The following SMTN variants were observed in gnomAD, a reference collection of about 807,000 sequenced individuals.
SMTN encodes the protein smoothelin.
A neutral mutation model predicts 102.0 loss-of-function variants in SMTN; 58 were observed. That is an observed-to-expected ratio of 0.57 (90% CI 0.46 to 0.71). The LOEUF is 0.71. Among genes scored for constraint, SMTN ranks in the 30% least tolerant of loss-of-function variants. The pLI is 0.00. For synonymous variants in SMTN, 478 were observed against 497.9 expected (o/e 0.96, Z 0.53); for missense variants, 1,185 against 1,241.7 (o/e 0.95, Z 0.69).
In SMTN at chr22:31,095,880, T is replaced by C. The variant is rs2043548209; in HGVS notation, c.1861+271T>C. ...CAGATACTCCCTCCCGCAGCTACTC[T>C]CTCCTTGGATCCAGTTGCCTCTCAA... On this transcript the variant is annotated intron_variant, in intron 13 of 20. Coordinates refer to ENST00000333137, the MANE Select transcript of SMTN (RefSeq NM_134269.3). The surrounding 1 kb of genome is among the most constrained non-coding windows in gnomAD (Gnocchi z 4.1). 4 of 523,356 alleles carry C rather than the reference T, an allele frequency of 7.6e-6. No individual in the cohort carries two copies. Among genetic ancestry groups the C allele is most frequent in the Admixed American group, 7.3e-5 (2 of 27,498 alleles). The allele number at this position is 523,356 out of a possible 1,614,324, so 32.4% of individuals were successfully genotyped here.
At position 31,098,658 on chromosome 22, in the gene SMTN, A is replaced by G. The variant is rs1465714795; in HGVS notation, c.2160-9A>G. On this transcript the variant is annotated splice_polypyrimidine_tract_variant and intron_variant, in intron 16 of 20. Coordinates refer to ENST00000333137, the MANE Select transcript of SMTN (RefSeq NM_134269.3). ...CTCCCTGCCTAACATGCGCCTCCCC[A>G]ACCCCTAGCATCTTCGACCGCGAGG... 2 of 1,612,626 alleles carry G rather than the reference A, an allele frequency of 1.2e-6. No individual in the cohort carries two copies. Among genetic ancestry groups the G allele is most frequent in the Non-Finnish European group, 8.5e-7 (1 of 1,179,462 alleles).
At chr22:31,090,658 A>AGGGGAT (rs2043056803) in intron 8 of SMTN, 150 bp from the exon 9 acceptor site, 3 of 702,088 alleles carry the variant, frequency 4.3e-6, no homozygotes, top group Non-Finnish European at 7.7e-6. Flanking sequence ...GAGATCCAGG[A>AGGGGAT]GGGGATGGAG....
At chr22:31,082,535 G>T (rs1487761087) in intron 1 of SMTN, 1 of 492,560 alleles carries the variant, frequency 2.0e-6, no homozygotes, top group Non-Finnish European at 4.1e-6. Context: ...AAATCCAGGG[G>T]TTGGGCAGGT....
chr22:31,092,250 G>T (rs1178802961), intron 11 of SMTN, among the ~76,000 whole-genome samples: 1 of 152,170 alleles, frequency 6.6e-6, no homozygotes, highest in African/African-American at 2.4e-5. Flanking sequence ...CAGCCCCGAG[G>T]TATAGAGCAG....
chr22:31,082,742 C>A, intron 1 of SMTN: 2 of 896,532 alleles, frequency 2.2e-6, no homozygotes, highest in Non-Finnish European at 3.4e-6. Context: ...CAGCCCACAG[C>A]CAGAAGCTGA....
Position 31,088,613 on chromosome 22 carries a change from C to G in SMTN, c.294+7C>G, listed in dbSNP as rs771617518. 4.8e-5 allele frequency: 77 copies of G among 1,613,496 alleles called. No individual in the cohort carries two copies. Among genetic ancestry groups the G allele is most frequent in the Non-Finnish European group, 6.1e-5 (72 of 1,179,610 alleles). On this transcript the variant is annotated splice_region_variant and intron_variant, in intron 4 of 20. Coordinates refer to ENST00000333137, the MANE Select transcript of SMTN (RefSeq NM_134269.3). The stretch of plus-strand genomic sequence containing the variant: ...GGAGGAATTGACTGCACTGGTGAGG[C>G]CCAGGCTGGGGCAGGGGATGGGGGC...
intron 13 of SMTN, chr22:31,096,291 C>T (rs543426227): frequency 1.2e-5 from 2 of 165,402 alleles, no homozygotes; most frequent in African/African-American, 4.8e-5. Flanking sequence ...TCAATTGCTC[C>T]CTTCCTGGAT....
At chr22:31,064,138 A>C (rs1026066618) in exon 1 of SMTN, 1 of 152,260 alleles carries the variant, frequency 6.6e-6, no homozygotes, top group South Asian at 2.1e-4. Context: ...GGCAGCTCCC[A>C]TGAGAACGGC....
At position 31,091,810 on chromosome 22, in the gene SMTN, A is replaced by G; in HGVS notation, c.1595A>G (p.His532Arg). 1.2e-6 allele frequency: 2 copies of G among 1,604,570 alleles called. No homozygotes were observed. The highest frequency in any genetic ancestry group is 1.7e-6 in the Non-Finnish European group (2 of 1,175,114). Residue 532 changes from histidine (H) to arginine (R), a missense_variant, in exon 11 of 21, where the codon CAT becomes CGT. Transcript: ENST00000333137. The part of the protein sequence containing the change: ...GSVTHVTSFS[H>R]APPSSRGGCS... ...GTCACTCATGTCACCAGCTTCAGCC[A>G]TGCCCCCCCCAGTAGCCGAGGAGGC...
intron 11 of SMTN, among the ~76,000 whole-genome samples, chr22:31,094,287 C>G (rs979227210): frequency 1.3e-5 from 2 of 152,210 alleles, no homozygotes; most frequent in Non-Finnish European, 2.9e-5. Flanking sequence ...GCTAGAGACT[C>G]CTTAGAGGAT....
rs768538188 is a variant in SMTN, at chr22:31,104,405, T to C, written c.*110T>C. 13 of 1,614,162 alleles carry C rather than the reference T, an allele frequency of 8.1e-6. No individual in the cohort carries two copies. Among genetic ancestry groups the C allele is most frequent in the South Asian group, 5.5e-5 (5 of 91,088 alleles). On this transcript the variant is annotated 3_prime_UTR_variant, in exon 21 of 21. Transcript: ENST00000333137. ...GACCCCAAGTGTGTCTTCACCTATG[T>C]GCAGTCGCTCTACAACCACCTGCGA...
chr22:31,099,900 A>G lies in SMTN; in HGVS notation c.2603+4A>G. 6.2e-7 allele frequency: 1 copy of G among 1,613,718 alleles called. No individual in the cohort carries two copies. The highest frequency in any genetic ancestry group is 8.5e-7 in the Non-Finnish European group (1 of 1,179,762). Reference sequence around the variant, plus strand: ...AGGTGGCCTTCTCATCTGCGGAGTAAGTGTGGGCCCTGGCCCTGCTAATGT... The same window carrying G: ...AGGTGGCCTTCTCATCTGCGGAGTAGGTGTGGGCCCTGGCCCTGCTAATGT... On this transcript the variant is annotated splice_donor_region_variant and intron_variant, in intron 19 of 20. Coordinates refer to ENST00000333137, the MANE Select transcript of SMTN (RefSeq NM_134269.3).
In SMTN at chr22:31,085,798, T is replaced by C. The variant is rs2042656736; in HGVS notation, c.52-2167T>C. On this transcript the variant is annotated intron_variant, in intron 2 of 20. Transcript: ENST00000333137. The stretch of plus-strand genomic sequence containing the variant: ...CCAGAGGGTGACCAGTGGAATGAGG[T>C]TGTCAGTCTCCAGCCTTGCCCACCC... Among the ~76,000 whole-genome samples the C allele has an allele frequency of 2.0e-5, 3 of 152,092 alleles. No homozygotes were observed. In the South Asian group the frequency reaches 6.2e-4, roughly 31 times the overall value.
intron 1 of SMTN, among the ~76,000 whole-genome samples, chr22:31,073,262 C>T (rs1281438913): frequency 3.3e-5 from 5 of 152,088 alleles, no homozygotes; most frequent in South Asian, 2.1e-4. Flanking sequence ...TACACACGCA[C>T]GCACGCATGC....
chr22:31,087,889 G>A (rs774455137), intron 2 of SMTN, 76 bp from the exon 3 acceptor site: 15 of 1,467,698 alleles, frequency 1.0e-5, no homozygotes, highest in Non-Finnish European at 1.3e-5. Context: ...TTGTGCCCTA[G>A]GCAGAGCCGT....
At chr22:31,089,464 C>T (rs2042953172) in intron 6 of SMTN, among the ~76,000 whole-genome samples, 1 of 152,246 alleles carries the variant, frequency 6.6e-6, no homozygotes, top group Admixed American at 6.5e-5. Context: ...ACATCAGGAC[C>T]TGGTCCTCTC....
intron 19 of SMTN, among the ~76,000 whole-genome samples, chr22:31,100,621 TG>T (rs1452427568): frequency 6.6e-6 from 1 of 152,096 alleles, no homozygotes; most frequent in Non-Finnish European, 1.5e-5. Flanking sequence ...GTGACTGGTT[TG>T]GCCCCCACCC....
At chr22:31,091,640 T>G (rs1322206121) in intron 10 of SMTN, 35 bp from the exon 11 acceptor site, 1 of 1,558,030 alleles carries the variant, frequency 6.4e-7, no homozygotes, top group Non-Finnish European at 8.7e-7. Context: ...TCACTCCACC[T>G]GATCCTCCTG....
rs749272524 is a variant in SMTN, at chr22:31,095,586, G to A, written c.1838G>A (p.Arg613His). Reference protein sequence around the residue: ...EERKLIRAALRELRQRKRDQR... With the variant: ...EERKLIRAALHELRQRKRDQR... The stretch of plus-strand genomic sequence containing the variant: ...CGGAAGCTCATCCGGGCTGCACTTC[G>A]TGAGCTCCGACAAAGGAAGAGAGGT... Residue 613 changes from arginine (R) to histidine (H), a missense_variant, in exon 13 of 21, where the codon CGT (arginine) becomes CAT (histidine). Arg to His is a conservative substitution (Grantham distance 29, BLOSUM62 0). Transcript: ENST00000333137. This position sits in a 1 kb window ranked among gnomAD's most constrained non-coding sequence, Gnocchi z 4.1. 1.6e-5 allele frequency: 26 copies of A among 1,613,590 alleles called. No individual in the cohort carries two copies. The highest frequency in any genetic ancestry group is 2.2e-5 in the East Asian group (1 of 44,882).
Sources: allele counts gnomAD v4.1 joint callset (sites outside exome capture counted in the v4.1 genomes callset), GRCh38; gene constraint gnomAD v4.1.1; non-coding constraint Gnocchi (gnomAD v3.1); transcripts MANE v1.5; gene names NCBI Gene and HGNC (gene_info 2026-07-23, HGNC 2026-07-21).